The following HRH2 variants were observed in gnomAD, a reference collection of about 807,000 sequenced individuals.
The protein encoded by HRH2 is histamine H2 receptor.
A neutral mutation model predicts 20.1 loss-of-function variants in HRH2; 4 were observed. The observed-to-expected ratio is 0.20, with a 90% CI of 0.10 to 0.45. HRH2 has a LOEUF of 0.45. HRH2 is among the 20% of genes least tolerant of loss of function. The pLI is 0.99. For missense variants in HRH2, 250 were observed against 461.6 expected, an observed-to-expected ratio of 0.54 and a Z score of 4.20; for synonymous variants, 197 against 200.7, an observed-to-expected ratio of 0.98 and a Z score of 0.16.
At chr5:175,664,006 G>A (rs889546443) in intron 1 of HRH2, among the ~76,000 whole-genome samples, 8 of 152,276 alleles carry the variant, frequency 5.3e-5, no homozygotes, top group East Asian at 3.9e-4. Flanking sequence ...CGGGCCTGGC[G>A]CCATTGCTGT....
chr5:175,668,958 A>C (rs1388732790), intron 1 of HRH2, among the ~76,000 whole-genome samples: 4 of 152,184 alleles, frequency 2.6e-5, no homozygotes, highest in African/African-American at 9.7e-5. Context: ...TCAATCGTGC[A>C]GTTCCTCAGG....
intron 2 of HRH2, among the ~76,000 whole-genome samples, chr5:175,690,310 A>C (rs1438667680): frequency 6.6e-6 from 1 of 152,156 alleles, no homozygotes; most frequent in East Asian, 1.9e-4. Flanking sequence ...GCCTAGTATG[A>C]GCCATGGCCA....
chr5:175,706,225 C>T (rs1276041702), intron 2 of HRH2, among the ~76,000 whole-genome samples: 1 of 152,190 alleles, frequency 6.6e-6, no homozygotes, highest in Non-Finnish European at 1.5e-5. Flanking sequence ...CACTGGTATG[C>T]TTTTCAATAG....
intron 1 of HRH2, among the ~76,000 whole-genome samples, chr5:175,660,642 C>T (rs1028140156): frequency 2.6e-5 from 4 of 152,162 alleles, no homozygotes; most frequent in African/African-American, 9.7e-5. Context: ...AGTGGACTAC[C>T]TGGCTTCGAG....
Position 175,686,035 on chromosome 5 carries a change from G to T in HRH2, c.1076+1726G>T, listed in dbSNP as rs678591. ...CATCTGAAGCAAGCCTGGTTGCTCCGGCACTGAACTGTGGCCTCGGGCCCT... is the reference window on the plus strand; with the variant it reads ...CATCTGAAGCAAGCCTGGTTGCTCCTGCACTGAACTGTGGCCTCGGGCCCT... On this transcript the variant is annotated intron_variant, in intron 2 of 2. Transcript: ENST00000636584. The surrounding 1 kb of genome is among the most constrained non-coding windows in gnomAD (Gnocchi z 4.7). The T allele has an allele frequency of 0.17, 25,325 of 153,110 alleles. 5,004 individuals carry two copies. The highest frequency in any genetic ancestry group is 0.47 in the African/African-American group (19,564 of 41,414). 9.5% of individuals were successfully genotyped at this position (153,110 alleles called of 1,614,324 possible).
In HRH2 at chr5:175,681,696, G is replaced by A. The variant is rs1755980830; in HGVS notation, c.-525-1013G>A. ...CTTCAATAGTGCAAAGGGAGGAAGGGAGGAAGGAGAAACCACCCTAATGCC... is the reference window on the plus strand; with the variant it reads ...CTTCAATAGTGCAAAGGGAGGAAGGAAGGAAGGAGAAACCACCCTAATGCC... On this transcript the variant is annotated intron_variant, in intron 1 of 2. Transcript: ENST00000636584. This position sits in a 1 kb window ranked among gnomAD's most constrained non-coding sequence, Gnocchi z 4.3. 6.6e-6 allele frequency among the ~76,000 whole-genome samples: 1 copy of A among 152,204 alleles called. No individual in the cohort carries two copies. Among genetic ancestry groups the A allele is most frequent in the Admixed American group, 6.5e-5 (1 of 15,282 alleles).
intron 2 of HRH2, among the ~76,000 whole-genome samples, chr5:175,690,714 C>G (rs1318061775): frequency 6.6e-6 from 1 of 151,942 alleles, no homozygotes; most frequent in Non-Finnish European, 1.5e-5. Context: ...CATTTCATCG[C>G]CCCCCAAAAG....
intron 2 of HRH2, among the ~76,000 whole-genome samples, chr5:175,705,358 C>T (rs758068256): frequency 3.6e-4 from 55 of 152,090 alleles, no homozygotes; most frequent in African/African-American, 1.3e-3. Flanking sequence ...ACCTATACAC[C>T]GGGGGACAGG....
intron 2 of HRH2, among the ~76,000 whole-genome samples, chr5:175,688,789 T>C (rs1433254745): frequency 6.6e-6 from 1 of 152,228 alleles, no homozygotes; most frequent in Non-Finnish European, 1.5e-5. Flanking sequence ...GTGACCCGTC[T>C]GAGGTGTGAA....
At chr5:175,680,209 G>A (rs1755914141) in intron 1 of HRH2, among the ~76,000 whole-genome samples, 1 of 152,238 alleles carries the variant, frequency 6.6e-6, no homozygotes. Context: ...GAGAGCAGGT[G>A]CATTGCCACG....
intron 1 of HRH2, among the ~76,000 whole-genome samples, chr5:175,668,286 G>T (rs1009141420): frequency 7.2e-5 from 11 of 152,186 alleles, no homozygotes; most frequent in Admixed American, 7.2e-4. Flanking sequence ...TGAGTGCTGG[G>T]GCTTGGCACA....
intron 1 of HRH2, among the ~76,000 whole-genome samples, chr5:175,676,856 AT>A (rs1755777783): frequency 6.6e-6 from 1 of 152,244 alleles, no homozygotes; most frequent in South Asian, 2.1e-4. Context: ...GGAGGATATT[AT>A]TTTAACTAAA....
At chr5:175,691,615 G>A (rs889989339) in intron 2 of HRH2, among the ~76,000 whole-genome samples, 2 of 152,178 alleles carry the variant, frequency 1.3e-5, no homozygotes, top group African/African-American at 4.8e-5. Flanking sequence ...GGGCGTGGTG[G>A]CTCATGCCTG....
At chr5:175,670,519 T>A (rs1755491513) in intron 1 of HRH2, among the ~76,000 whole-genome samples, 1 of 152,186 alleles carries the variant, frequency 6.6e-6, no homozygotes, top group African/African-American at 2.4e-5. Flanking sequence ...AGAGGTAGCC[T>A]GGCCATCCAT....
At chr5:175,668,473 C>T (rs868689589) in intron 1 of HRH2, among the ~76,000 whole-genome samples, 15 of 152,252 alleles carry the variant, frequency 9.9e-5, no homozygotes, top group Middle Eastern at 6.8e-3. Flanking sequence ...ACCCCATACA[C>T]GTGTCAACTC....
Position 175,683,005 on chromosome 5 carries a change from T to C in HRH2, c.-229T>C. The C allele has an allele frequency of 3.7e-6, 2 of 540,618 alleles. No individual in the cohort carries two copies. Among genetic ancestry groups the C allele is most frequent in the Non-Finnish European group, 6.4e-6 (2 of 310,866 alleles). 33.5% of individuals were successfully genotyped at this position (540,618 alleles called of 1,614,324 possible). On this transcript the variant is annotated 5_prime_UTR_variant, in exon 2 of 3. Transcript: ENST00000636584. The stretch of plus-strand genomic sequence containing the variant: ...TTTCTCTCTTCTTCATTCATATTCA[T>C]TCCCAACACCTTAGAAGGTGTTGCT...
At chr5:175,685,377 A>C in intron 2 of HRH2, 1 of 1,539,982 alleles carries the variant, frequency 6.5e-7, no homozygotes, top group Non-Finnish European at 8.8e-7. Flanking sequence ...GAAGTTGCTC[A>C]ATAAATGTTG....
At position 175,683,243 on chromosome 5, in the gene HRH2, A is replaced by T; in HGVS notation, c.10A>T (p.Asn4Tyr). ...GCCGTAGAGTCCCAGGATGGCACCC[A>T]ATGGCACAGCCTCTTCCTTTTGCCT... The part of the protein sequence containing the change: MAP[N>Y]GTASSFCLDS... Residue 4 changes from asparagine (N) to tyrosine (Y), a missense_variant, in exon 2 of 3, where the codon AAT becomes TAT. This residue lies in a region of HRH2 where 24 missense variants were observed against 22.9 expected (regional missense o/e 1.05). Coordinates refer to ENST00000636584, the MANE Select transcript of HRH2 (RefSeq NM_001367711.1). 6.2e-7 allele frequency: 1 copy of T among 1,613,692 alleles called. No homozygotes were observed. Among genetic ancestry groups the T allele is most frequent in the Non-Finnish European group, 8.5e-7 (1 of 1,179,612 alleles).
At chr5:175,701,628 G>A (rs969142764) in intron 2 of HRH2, among the ~76,000 whole-genome samples, 1 of 152,112 alleles carries the variant, frequency 6.6e-6, no homozygotes, top group South Asian at 2.1e-4. Context: ...GGTTTCATTG[G>A]ATTGGGTCAT....
Sources: allele counts gnomAD v4.1 joint callset (sites outside exome capture counted in the v4.1 genomes callset), GRCh38; gene constraint gnomAD v4.1.1; regional missense constraint gnomAD v4.1.1; non-coding constraint Gnocchi (gnomAD v3.1); transcripts MANE v1.5; gene names NCBI Gene and HGNC (gene_info 2026-07-23, HGNC 2026-07-21).